The following SPECC1L variants were observed in gnomAD, a reference collection of about 807,000 sequenced individuals.
SPECC1L encodes the protein sperm antigen with calponin homology and coiled-coil domains 1 like.
Under a neutral mutation model 116.8 loss-of-function variants are expected in SPECC1L, and 40 were observed. That is an observed-to-expected ratio of 0.34 (90% CI 0.27 to 0.45). The LOEUF is 0.45. Ranked by LOEUF, SPECC1L falls within the 20% of genes least tolerant of loss-of-function variation. The pLI, the probability that SPECC1L is intolerant of heterozygous loss-of-function variation, is 1.00. For synonymous variants in SPECC1L, 504 were observed against 500.6 expected (o/e 1.01, Z -0.09); for missense variants, 1,110 against 1,373.6 (o/e 0.81, Z 3.03).
chr22:24,410,499 G>C (rs547528662), intron 14 of SPECC1L, among the ~76,000 whole-genome samples: 1 of 152,194 alleles, frequency 6.6e-6, no homozygotes, highest in Non-Finnish European at 1.5e-5. Flanking sequence ...GAGGAGCCCT[G>C]TACTCATCCC....
chr22:24,368,889 T>C (rs2041823183), intron 13 of SPECC1L, among the ~76,000 whole-genome samples: 1 of 152,186 alleles, frequency 6.6e-6, no homozygotes, highest in South Asian at 2.1e-4. Context: ...TCAGGTGATC[T>C]CTCTGCCTCA....
Position 24,384,908 on chromosome 22 carries a change from C to G in SPECC1L, c.3087+15588C>G, listed in dbSNP as rs1343040439. 3.3e-5 allele frequency among the ~76,000 whole-genome samples: 5 copies of G among 151,988 alleles called. No homozygotes were observed. The East Asian group carries it at 9.7e-4, about 29-fold the overall frequency. ...TGGCTAACATAGTGAAACCCCGTCT[C>G]AACTAAAAATACAAAAAATTAGGTG... On this transcript the variant is annotated intron_variant, in intron 14 of 16. Transcript: ENST00000314328.
chr22:24,280,461 G>A (rs1440144636), intron 2 of SPECC1L, among the ~76,000 whole-genome samples: 327 of 149,328 alleles, frequency 2.2e-3, no homozygotes, highest in African/African-American at 8.1e-3. Context: ...GACAGTAAAT[G>A]TTTTAGTCAT....
intron 14 of SPECC1L, among the ~76,000 whole-genome samples, chr22:24,387,579 A>G (rs1414351173): frequency 1.3e-5 from 2 of 152,176 alleles, no homozygotes; most frequent in Non-Finnish European, 2.9e-5. Context: ...CGCCCCAATT[A>G]TCTGTGGTTT....
At position 24,276,093 on chromosome 22, in the gene SPECC1L, G is replaced by T. The variant is rs1168879546; in HGVS notation, c.-141-607G>T. Among the ~76,000 whole-genome samples the T allele has an allele frequency of 2.0e-5, 3 of 152,032 alleles. No individual in the cohort carries two copies. The South Asian group carries it at 6.2e-4, about 32-fold the overall frequency. ...CAAGCCTAGGAAAGAAGTATGCAAA[G>T]AAACTGGTGGCAGGCTGGATGTGGG... On this transcript the variant is annotated intron_variant, in intron 1 of 16. Transcript: ENST00000314328.
chr22:24,416,407 C>G lies in SPECC1L; in HGVS notation c.*1784C>G, dbSNP rs901327209. 1.3e-5 allele frequency: 2 copies of G among 152,330 alleles called. No homozygotes were observed. The highest frequency in any genetic ancestry group is 4.8e-5 in the African/African-American group (2 of 41,444). 9.4% of individuals were successfully genotyped at this position (152,330 alleles called of 1,614,324 possible). The stretch of plus-strand genomic sequence containing the variant: ...GCAGACTCCTGGCCCCGTCCCGCCC[C>G]CTGTCTGAGTTGTGTTTTTGTTGCT... On this transcript the variant is annotated 3_prime_UTR_variant, in exon 17 of 17. Transcript: ENST00000314328.
At chr22:24,278,620 C>CTAAGAGAA (rs2048882480) in intron 2 of SPECC1L, among the ~76,000 whole-genome samples, 1 of 152,080 alleles carries the variant, frequency 6.6e-6, no homozygotes, top group Non-Finnish European at 1.5e-5. Context: ...GTTTATTTTC[C>CTAAGAGAA]AATGGAGGGG....
chr22:24,392,739 CATAATGACGTCT>C (rs1181269780), intron 14 of SPECC1L, among the ~76,000 whole-genome samples: 1 of 152,190 alleles, frequency 6.6e-6, no homozygotes, highest in Non-Finnish European at 1.5e-5. Flanking sequence ...AATGGCTTAA[CATAATGACGTCT>C]ATTTATATCC....
chr22:24,324,182 CTT>C, intron 5 of SPECC1L, 36 bp from the exon 6 acceptor site: 1 of 1,570,912 alleles, frequency 6.4e-7, no homozygotes, highest in East Asian at 2.2e-5. Context: ...TAGAACAACT[CTT>C]AACTTTTCTA....
At chr22:24,328,768 T>G in intron 6 of SPECC1L, 78 bp from the exon 7 acceptor site, 1 of 1,136,152 alleles carries the variant, frequency 8.8e-7, no homozygotes, top group Non-Finnish European at 1.3e-6. Context: ...ATGTCATATT[T>G]AAGTATCCCT....
At position 24,355,859 on chromosome 22, in the gene SPECC1L, C is replaced by T. The variant is rs181667366; in HGVS notation, c.2744-7402C>T. Among the ~76,000 whole-genome samples the T allele has an allele frequency of 2.0e-3, 287 of 147,016 alleles. 1 individual carries two copies. Among genetic ancestry groups the T allele is most frequent in the Non-Finnish European group, 3.6e-3 (243 of 66,978 alleles). Reference sequence around the variant, plus strand: ...TTTAATTTACATACAGTAAAATTTACACTATCTGGTATACAGTTTTGTGGG... The same window carrying T: ...TTTAATTTACATACAGTAAAATTTATACTATCTGGTATACAGTTTTGTGGG... On this transcript the variant is annotated intron_variant, in intron 11 of 16. Coordinates refer to ENST00000314328, the MANE Select transcript of SPECC1L (RefSeq NM_015330.6).
rs137989895 is a variant in SPECC1L, at chr22:24,398,226, C to T, written c.3088-13362C>T. Among the ~76,000 whole-genome samples the T allele has an allele frequency of 5.1e-4, 78 of 152,294 alleles. 2 individuals carry two copies. In the East Asian group the frequency reaches 6.0e-3, roughly 12 times the overall value. On this transcript the variant is annotated intron_variant, in intron 14 of 16. Coordinates refer to ENST00000314328, the MANE Select transcript of SPECC1L (RefSeq NM_015330.6). The stretch of plus-strand genomic sequence containing the variant: ...TCAACACCATCTCAGGGGCAAAGAG[C>T]AGGGATCGGGGGAGAAGAGGACAGG...
At chr22:24,327,303 C>T (rs1456641667) in intron 6 of SPECC1L, among the ~76,000 whole-genome samples, 1 of 84,680 alleles carries the variant, frequency 1.2e-5, no homozygotes, top group African/African-American at 4.1e-5. Flanking sequence ...AAAAAAAAAA[C>T]ATCAGAACAC....
intron 6 of SPECC1L, among the ~76,000 whole-genome samples, chr22:24,328,242 T>C (rs193180254): frequency 6.6e-6 from 1 of 152,354 alleles, no homozygotes; most frequent in Non-Finnish European, 1.5e-5. Flanking sequence ...GTGGTGCTCA[T>C]TGAATGTTTT....
In SPECC1L at chr22:24,322,135, C is replaced by T. The variant is rs201856077; in HGVS notation, c.1155C>T (p.Ser385=). The T allele has an allele frequency of 4.5e-5, 73 of 1,613,886 alleles. 2 individuals are homozygous for T. The South Asian group carries it at 6.1e-4, about 14-fold the overall frequency. The stretch of plus-strand genomic sequence containing the variant: ...TAGAGCGCTCCCGGAAGGGGAGCAG[C>T]GGGAATGCCAGTGAAGTGTCCGTGG... ...PSIERSRKGS[S]GNASEVSVAC... is the part of the protein sequence containing the mutation. The change falls in exon 5 of 17, where the codon AGC becomes AGT. Residue 385 remains serine (S), a synonymous_variant. Coordinates refer to ENST00000314328, the MANE Select transcript of SPECC1L (RefSeq NM_015330.6).
At chr22:24,311,804 CAAAAAAAAAAAAA>C (rs915422222) in intron 3 of SPECC1L, among the ~76,000 whole-genome samples, 5 of 46,568 alleles carry the variant, frequency 1.1e-4, no homozygotes, top group African/African-American at 1.8e-4. Context: ...GACTTTGTCT[CAAAAAAAAAAAAA>C]AAAAAAAAAA....
intron 15 of SPECC1L, 142 bp from the exon 16 acceptor site, chr22:24,412,506 A>C: frequency 1.3e-6 from 1 of 778,830 alleles, no homozygotes; most frequent in South Asian, 1.5e-5. Context: ...GCAGAAGCTC[A>C]GGCTCCCAGC....
At chr22:24,296,320 C>G (rs28628119) in intron 2 of SPECC1L, among the ~76,000 whole-genome samples, 2,367 of 146,322 alleles carry the variant, frequency 0.016, no homozygotes, top group African/African-American at 0.062. Context: ...GGGAGAGGCT[C>G]AAGGCCTTCA....
At chr22:24,394,177 C>A (rs1378937070) in intron 14 of SPECC1L, among the ~76,000 whole-genome samples, 1 of 151,982 alleles carries the variant, frequency 6.6e-6, no homozygotes, top group South Asian at 2.1e-4. Context: ...GTGTCTTAGT[C>A]AGTTTGGACT....
Sources: gnomAD v4.1 joint callset for allele counts (sites outside exome capture counted in the v4.1 genomes callset) on GRCh38, gnomAD v4.1.1 for gene constraint, MANE v1.5 for transcripts, NCBI Gene and HGNC (gene_info 2026-07-23, HGNC 2026-07-21) for gene names.